Variants in GALM observed in about 807,000 individuals in gnomAD.
The protein encoded by GALM is aldose 1-epimerase.
Under a neutral mutation model 37.4 loss-of-function variants are expected in GALM, and 43 were observed. The ratio of observed to expected loss-of-function variants is 1.15; its 90% CI spans 0.90 to 1.48. The LOEUF (loss-of-function observed/expected upper bound fraction) is 1.48. GALM is among the 40% of genes most tolerant of loss of function. The pLI, the probability that GALM is intolerant of heterozygous loss-of-function variation, is 0.00. For synonymous variants in GALM, 199 were observed against 170.6 expected (o/e 1.17, Z -1.30); for missense variants, 456 against 419.1 (o/e 1.09, Z -0.77).
chr2:38,717,865 C>T (rs966883595), intron 4 of GALM, among the ~76,000 whole-genome samples: 4 of 151,762 alleles, frequency 2.6e-5, no homozygotes, highest in Non-Finnish European at 4.4e-5. Context: ...GAGACAGTCT[C>T]GCTCAGTAGC....
chr2:38,672,945 C>T (rs1237137318), intron 1 of GALM, among the ~76,000 whole-genome samples: 2 of 151,984 alleles, frequency 1.3e-5, no homozygotes, highest in Non-Finnish European at 1.5e-5. Context: ...AGGAGGCGGA[C>T]GTTGCAGTGA....
chr2:38,681,593 C>A, intron 3 of GALM, 107 bp downstream of exon 3: 1 of 915,416 alleles, frequency 1.1e-6, no homozygotes, highest in East Asian at 2.5e-5. Context: ...TGAGGTCACC[C>A]TCATGATGAT....
chr2:38,704,805 G>C (rs568039903), intron 4 of GALM, among the ~76,000 whole-genome samples: 195 of 152,244 alleles, frequency 1.3e-3, no homozygotes, highest in African/African-American at 4.4e-3. Flanking sequence ...GTCCCTGCTA[G>C]ATAGTATTCA....
intron 5 of GALM, 143 bp downstream of exon 5, chr2:38,729,840 C>T (rs1045368118): frequency 3.0e-6 from 2 of 672,226 alleles, no homozygotes; most frequent in African/African-American, 1.8e-5. Context: ...TTTCTCAAAG[C>T]TCCCATGGCA....
At chr2:38,715,134 C>T (rs1412942139) in intron 4 of GALM, among the ~76,000 whole-genome samples, 2 of 152,262 alleles carry the variant, frequency 1.3e-5, no homozygotes, top group South Asian at 4.1e-4. Flanking sequence ...TCGCTTTAAA[C>T]ATTTTTTGTT....
At position 38,672,879 on chromosome 2, in the gene GALM, G is replaced by A. The variant is rs1046424017; in HGVS notation, c.191-3033G>A. Among the ~76,000 whole-genome samples, 9 of 151,970 alleles carry A rather than the reference G, an allele frequency of 5.9e-5. No individual in the cohort carries two copies. In the South Asian group the frequency reaches 6.2e-4, roughly 11 times the overall value. Reference sequence around the variant, plus strand: ...AAAAAATTTAGCTGGGCTTGGTGGCGGGCACCTGTAATCCCAGCTACTTGG... The same window carrying A: ...AAAAAATTTAGCTGGGCTTGGTGGCAGGCACCTGTAATCCCAGCTACTTGG... On this transcript the variant is annotated intron_variant, in intron 1 of 6. Coordinates refer to ENST00000272252, the MANE Select transcript of GALM (RefSeq NM_138801.3).
chr2:38,679,891 C>T (rs568585448), intron 2 of GALM, among the ~76,000 whole-genome samples: 3 of 152,258 alleles, frequency 2.0e-5, no homozygotes, highest in South Asian at 2.1e-4. Flanking sequence ...AATGGGCACC[C>T]GATAAGTGTT....
At chr2:38,729,846 T>A (rs1424415535) in intron 5 of GALM, 149 bp downstream of exon 5, 1 of 651,170 alleles carries the variant, frequency 1.5e-6, no homozygotes, top group Non-Finnish European at 2.6e-6. Flanking sequence ...AAAGCTCCCA[T>A]GGCACAGGTG....
At chr2:38,714,080 GTATTAAC>G (rs1666222324) in intron 4 of GALM, among the ~76,000 whole-genome samples, 1 of 152,046 alleles carries the variant, frequency 6.6e-6, no homozygotes, top group Non-Finnish European at 1.5e-5. Context: ...AGCTTTGTAA[GTATTAAC>G]TATTATTAGT....
chr2:38,705,303 T>C (rs1666014270), intron 4 of GALM, among the ~76,000 whole-genome samples: 3 of 152,144 alleles, frequency 2.0e-5, no homozygotes, highest in African/African-American at 7.2e-5. Context: ...TGATGTTAAC[T>C]CAAGTAAGTT....
chr2:38,676,759 T>C (rs1189353074), intron 2 of GALM, among the ~76,000 whole-genome samples: 1 of 151,770 alleles, frequency 6.6e-6, no homozygotes, highest in Non-Finnish European at 1.5e-5. Context: ...CCAGAGTCCG[T>C]CTCAAAAAAA....
intron 3 of GALM, among the ~76,000 whole-genome samples, chr2:38,685,926 T>C (rs1383983952): frequency 2.6e-5 from 4 of 152,056 alleles, no homozygotes. Context: ...TTGGCCAGGC[T>C]GGTCTTGAAC....
intron 3 of GALM, among the ~76,000 whole-genome samples, chr2:38,686,232 C>CT (rs1189102175): frequency 8.8e-5 from 3 of 34,094 alleles, no homozygotes; most frequent in Non-Finnish European, 1.0e-4. Flanking sequence ...TTCTTTCTTT[C>CT]TTTCTTTCTT....
intron 4 of GALM, among the ~76,000 whole-genome samples, chr2:38,692,080 C>T: frequency 6.6e-6 from 1 of 152,182 alleles, no homozygotes; most frequent in East Asian, 1.9e-4. Flanking sequence ...ATTTCCACAA[C>T]TCTTCAAATC....
intron 4 of GALM, among the ~76,000 whole-genome samples, chr2:38,701,697 C>T (rs1190859768): frequency 1.3e-5 from 2 of 152,130 alleles, no homozygotes; most frequent in East Asian, 1.9e-4. Context: ...ACCTACAATT[C>T]GGCAGATGAT....
At chr2:38,686,806 A>G (rs1421642922) in intron 3 of GALM, among the ~76,000 whole-genome samples, 2 of 152,222 alleles carry the variant, frequency 1.3e-5, no homozygotes, top group Non-Finnish European at 2.9e-5. Flanking sequence ...CACCTAGGAA[A>G]CAGAGTGAAG....
At chr2:38,723,891 G>A (rs1666430712) in intron 4 of GALM, among the ~76,000 whole-genome samples, 1 of 152,094 alleles carries the variant, frequency 6.6e-6, no homozygotes, top group Admixed American at 6.6e-5. Context: ...GACCACCTAG[G>A]CTGTGTGTGC....
intron 4 of GALM, among the ~76,000 whole-genome samples, chr2:38,711,527 A>G (rs1238020290): frequency 3.3e-5 from 5 of 151,898 alleles, no homozygotes; most frequent in African/African-American, 9.7e-5. Context: ...ATTCATTTTC[A>G]CCCATGCTGT....
intron 6 of GALM, among the ~76,000 whole-genome samples, chr2:38,732,493 A>G (rs1250744691): frequency 6.6e-6 from 1 of 152,234 alleles, no homozygotes; most frequent in Non-Finnish European, 1.5e-5. Flanking sequence ...TCTCCTTAAC[A>G]ATACCTTCTC....
Sources: gnomAD v4.1 joint callset for allele counts (sites outside exome capture counted in the v4.1 genomes callset) on GRCh38, gnomAD v4.1.1 for gene constraint, MANE v1.5 for transcripts, NCBI Gene and HGNC (gene_info 2026-07-23, HGNC 2026-07-21) for gene names.